The following HS3ST3B1 variants were observed in gnomAD, a reference collection of about 807,000 sequenced individuals.
HS3ST3B1 encodes the protein heparan sulfate-glucosamine 3-sulfotransferase 3B1, also known as heparan sulfate glucosamine 3-O-sulfotransferase 3B1.
Under a neutral mutation model 21.3 loss-of-function variants are expected in HS3ST3B1, and 13 were observed. That is an observed-to-expected ratio of 0.61 (90% CI 0.40 to 0.97). HS3ST3B1 has a LOEUF of 0.97. HS3ST3B1 is among the 50% of genes least tolerant of loss of function. The pLI, the probability that HS3ST3B1 is intolerant of heterozygous loss-of-function variation, is 0.00. For missense variants in HS3ST3B1, 459 were observed against 554.8 expected (o/e 0.83, Z 1.73); for synonymous variants, 234 against 254.8 (o/e 0.92, Z 0.78).
chr17:14,339,994 G>T (rs1214818121), intron 1 of HS3ST3B1, among the ~76,000 whole-genome samples: 1 of 152,182 alleles, frequency 6.6e-6, no homozygotes, highest in African/African-American at 2.4e-5. Context: ...CTTGACTCCA[G>T]GACTGCGCGG....
chr17:14,330,550 G>GGTGTGT (rs60767866), intron 1 of HS3ST3B1, among the ~76,000 whole-genome samples: 20,166 of 143,996 alleles, frequency 0.14, 1,613 homozygotes, highest in Non-Finnish European at 0.19. Flanking sequence ...CTGGTTTCCC[G>GGTGTGT]GTGTGTGTGT....
intron 1 of HS3ST3B1, chr17:14,304,100 G>C (rs1282177736): frequency 3.3e-5 from 5 of 152,226 alleles, no homozygotes; most frequent in Non-Finnish European, 7.3e-5. Flanking sequence ...CGCAGCCCGG[G>C]AGGTTCGGCT....
chr17:14,341,894 T>C (rs1910396326), intron 1 of HS3ST3B1, among the ~76,000 whole-genome samples: 1 of 152,232 alleles, frequency 6.6e-6, no homozygotes, highest in Non-Finnish European at 1.5e-5. Flanking sequence ...GAGCCGAGAC[T>C]CTCTTTAATC....
At position 14,301,416 on chromosome 17, in the gene HS3ST3B1, A is replaced by G; in HGVS notation, c.-103A>G. The G allele has an allele frequency of 9.2e-7, 1 of 1,089,354 alleles. No individual in the cohort carries two copies. Among genetic ancestry groups the G allele is most frequent in the Non-Finnish European group, 1.2e-6 (1 of 824,558 alleles). The allele number at this position is 1,089,354 out of a possible 1,614,324, so 67.5% of individuals were successfully genotyped here. A position where few individuals can be genotyped will look rare whatever the true frequency, so the allele number is the denominator to read the frequency against. On this transcript the variant is annotated 5_prime_UTR_variant, in exon 1 of 2. Transcript: ENST00000360954. ...GCACACGGGGGCAATAAACCGAGCC[A>G]CCCGGGCGTCCAGCGTGCCGGGGAA...
chr17:14,302,203 G>A (rs1399435806), intron 1 of HS3ST3B1, 131 bp downstream of exon 1: 2 of 1,082,478 alleles, frequency 1.8e-6, no homozygotes, highest in Non-Finnish European at 2.6e-6. Flanking sequence ...GGAAACTACG[G>A]CAGATTGCGC....
At chr17:14,314,956 G>A (rs67390412) in intron 1 of HS3ST3B1, among the ~76,000 whole-genome samples, 30,875 of 152,136 alleles carry the variant, frequency 0.2, 3,318 homozygotes, top group African/African-American at 0.29. Context: ...CACTTTTGTA[G>A]GGATCCCAAG....
rs1482517402 is a variant in HS3ST3B1, at chr17:14,345,238, G to A, written c.765G>A (p.Thr255=). ...ACATCCCCACCTTCGAGAGCTTGAC[G>A]TTCAAAAACAGGACAGCGGGCCTCA... ...RPDIPTFESL[T]FKNRTAGLID... Residue 255 remains threonine, a synonymous_variant, in exon 2 of 2, where the codon ACG becomes ACA. Transcript: ENST00000360954. 4 of 1,364,620 alleles carry A rather than the reference G, an allele frequency of 2.9e-6. No homozygotes were observed. The highest frequency in any genetic ancestry group is 2.8e-5 in the African/African-American group (2 of 71,918). The allele number at this position is 1,364,620 out of a possible 1,614,324, so 84.5% of individuals were successfully genotyped here.
At chr17:14,339,343 T>C (rs1287165939) in intron 1 of HS3ST3B1, among the ~76,000 whole-genome samples, 1 of 152,164 alleles carries the variant, frequency 6.6e-6, no homozygotes, top group Non-Finnish European at 1.5e-5. Flanking sequence ...GTGATCTGAT[T>C]AACACTGAAA....
intron 1 of HS3ST3B1, among the ~76,000 whole-genome samples, chr17:14,329,974 A>G (rs1909955367): frequency 1.3e-5 from 2 of 152,216 alleles, no homozygotes; most frequent in South Asian, 4.1e-4. Flanking sequence ...ACTACACTGG[A>G]TTCTTGGAAG....
intron 1 of HS3ST3B1, among the ~76,000 whole-genome samples, chr17:14,321,098 C>T (rs990873313): frequency 2.0e-5 from 3 of 152,230 alleles, no homozygotes; most frequent in African/African-American, 4.8e-5. Flanking sequence ...GGAAGGCCAG[C>T]TTGGAGTGTC....
intron 1 of HS3ST3B1, among the ~76,000 whole-genome samples, chr17:14,317,701 G>C (rs1056423099): frequency 1.9e-4 from 29 of 152,190 alleles, no homozygotes; most frequent in African/African-American, 6.3e-4. Flanking sequence ...CCTGGGATTG[G>C]GGGAGAGAGG....
chr17:14,335,913 A>G (rs1466338912), intron 1 of HS3ST3B1, among the ~76,000 whole-genome samples: 1 of 152,228 alleles, frequency 6.6e-6, no homozygotes, highest in Non-Finnish European at 1.5e-5. Flanking sequence ...ACACAATTCT[A>G]TGCATTTGTC....
At chr17:14,323,290 G>T (rs1261224958) in intron 1 of HS3ST3B1, among the ~76,000 whole-genome samples, 1 of 152,166 alleles carries the variant, frequency 6.6e-6, no homozygotes, top group Non-Finnish European at 1.5e-5. Flanking sequence ...AAGCTCCAGA[G>T]CTCTGCTCCT....
intron 1 of HS3ST3B1, among the ~76,000 whole-genome samples, chr17:14,317,573 G>A (rs986987669): frequency 7.2e-5 from 11 of 152,154 alleles, no homozygotes; most frequent in Admixed American, 2.6e-4. Flanking sequence ...GAGCTTGCTG[G>A]CTGGTTGTCC....
At chr17:14,334,452 A>G (rs1910129068) in intron 1 of HS3ST3B1, among the ~76,000 whole-genome samples, 1 of 152,136 alleles carries the variant, frequency 6.6e-6, no homozygotes, top group Admixed American at 6.5e-5. Context: ...CCTGGGCTTA[A>G]GCAATCCTCT....
chr17:14,331,039 T>C (rs933663967), intron 1 of HS3ST3B1, among the ~76,000 whole-genome samples: 1 of 152,220 alleles, frequency 6.6e-6, no homozygotes, highest in Admixed American at 6.5e-5. Flanking sequence ...GTCCCGCCCC[T>C]GCCCATTGGC....
At chr17:14,312,037 C>A (rs1909320563) in intron 1 of HS3ST3B1, among the ~76,000 whole-genome samples, 1 of 152,050 alleles carries the variant, frequency 6.6e-6, no homozygotes, top group African/African-American at 2.4e-5. Flanking sequence ...TTTTACTTTT[C>A]CAGGAGCTTT....
rs372933299 is a variant in HS3ST3B1 at position 14,309,518 on chromosome 17, A to T, written c.554+7446A>T. 5.9e-4 allele frequency among the ~76,000 whole-genome samples: 90 copies of T among 152,066 alleles called. 1 individual carries two copies. The highest frequency in any genetic ancestry group is 2.0e-3 in the African/African-American group (84 of 41,526). ...GGAGAGACCAATGGTGTTCCGCCTG[A>T]GAGGAGAACCCCGCCCAGAGAGGCG... On this transcript the variant is annotated intron_variant, in intron 1 of 1. Coordinates refer to ENST00000360954, the MANE Select transcript of HS3ST3B1 (RefSeq NM_006041.3).
chr17:14,306,059 T>C (rs62054227), intron 1 of HS3ST3B1, among the ~76,000 whole-genome samples: 2,655 of 152,296 alleles, frequency 0.017, 33 homozygotes, highest in Non-Finnish European at 0.024. Flanking sequence ...ATTTATCATA[T>C]AGCATGGGTC....
Sources: allele counts gnomAD v4.1 joint callset (sites outside exome capture counted in the v4.1 genomes callset), GRCh38; gene constraint gnomAD v4.1.1; transcripts MANE v1.5; gene names NCBI Gene and HGNC (gene_info 2026-07-23, HGNC 2026-07-21).